HACD3: variants seen among roughly 807,000 people sequenced by gnomAD.
HACD3 encodes the protein very-long-chain (3R)-3-hydroxyacyl-CoA dehydratase 3.
In HACD3, 30 loss-of-function variants were observed where a neutral mutation model predicts 55.2. The ratio of observed to expected loss-of-function variants is 0.54; its 90% CI spans 0.41 to 0.74. The LOEUF is 0.74. Among genes scored for constraint, HACD3 ranks in the 30% least tolerant of loss-of-function variants. The pLI, the probability that HACD3 is intolerant of heterozygous loss-of-function variation, is 0.00. For missense variants in HACD3, 363 were observed against 440.1 expected (o/e 0.82, Z 1.57); for synonymous variants, 141 against 151.7 (o/e 0.93, Z 0.52).
At chr15:65,574,586 G>C (rs1190422745) in intron 10 of HACD3, 1 of 152,234 alleles carries the variant, frequency 6.6e-6, no homozygotes. Context: ...AGTGGTCTTG[G>C]TCATTTAGTG....
intron 4 of HACD3, among the ~76,000 whole-genome samples, chr15:65,557,357 C>T (rs947819279): frequency 1.3e-5 from 2 of 151,812 alleles, no homozygotes; most frequent in African/African-American, 2.4e-5. Context: ...TGCCTGTAGT[C>T]GGAGCTGCTC....
In HACD3 at chr15:65,555,031, A is replaced by G. The variant is rs1040750455; in HGVS notation, c.204+71A>G. 7.3e-6 allele frequency: 9 copies of G among 1,229,190 alleles called. No individual in the cohort carries two copies. The Admixed American group carries it at 8.7e-5, about 12-fold the overall frequency. The allele number at this position is 1,229,190 out of a possible 1,614,324, so 76.1% of individuals were successfully genotyped here. Reference sequence around the variant, plus strand: ...ATACCAGTAGTTTAGTGAAATGGGGAGCAGGGTTTGTGGAGAGAAGAAGAT... The same window carrying G: ...ATACCAGTAGTTTAGTGAAATGGGGGGCAGGGTTTGTGGAGAGAAGAAGAT... On this transcript the variant is annotated intron_variant, in intron 3 of 10. Transcript: ENST00000261875.
At chr15:65,569,630 C>T (rs561632057) in intron 7 of HACD3, among the ~76,000 whole-genome samples, 32 of 152,052 alleles carry the variant, frequency 2.1e-4, no homozygotes, top group African/African-American at 7.5e-4. Context: ...ATTGCTTGAG[C>T]CCAGAAGTTC....
At chr15:65,549,066 T>C (rs1239628424) in intron 1 of HACD3, among the ~76,000 whole-genome samples, 3 of 152,184 alleles carry the variant, frequency 2.0e-5, no homozygotes, top group African/African-American at 7.2e-5. Flanking sequence ...CAGTTTCTTT[T>C]CTTGTAAGAG....
intron 1 of HACD3, among the ~76,000 whole-genome samples, chr15:65,541,434 G>T (rs1022451450): frequency 2.0e-5 from 3 of 152,156 alleles, no homozygotes; most frequent in Non-Finnish European, 4.4e-5. Flanking sequence ...AATAAGTTGG[G>T]TTTATTGCTT....
rs569850504 is a variant in HACD3 at position 65,531,036 on chromosome 15, T to C, written c.87+318T>C. Among the ~76,000 whole-genome samples the C allele has an allele frequency of 6.7e-3, 1,023 of 152,282 alleles. 14 individuals are homozygous for C. Among genetic ancestry groups the C allele is most frequent in the African/African-American group, 0.024 (984 of 41,576 alleles). Reference sequence around the variant, plus strand: ...GAGCCCAGGCCCGGCCCTGGCTGCCTGGCCGTCGGGGTTCGAGTTGGCTGG... The same window carrying C: ...GAGCCCAGGCCCGGCCCTGGCTGCCCGGCCGTCGGGGTTCGAGTTGGCTGG... On this transcript the variant is annotated intron_variant, in intron 1 of 10. Transcript: ENST00000261875.
chr15:65,564,709 A>G, intron 7 of HACD3: 1 of 173,042 alleles, frequency 5.8e-6, no homozygotes, highest in Non-Finnish European at 1.2e-5. Flanking sequence ...AACACGTGGG[A>G]ATCCTGGGAG....
chr15:65,573,170 C>T (rs2072368214), intron 10 of HACD3, among the ~76,000 whole-genome samples: 1 of 151,918 alleles, frequency 6.6e-6, no homozygotes, highest in Admixed American at 6.6e-5. Context: ...AACCTGCTGA[C>T]CTATTAATTT....
At chr15:65,554,823 A>T (rs2072172567) in intron 2 of HACD3, 64 bp from the exon 3 acceptor site, 1 of 1,169,180 alleles carries the variant, frequency 8.6e-7, no homozygotes, top group Admixed American at 1.9e-5. Flanking sequence ...AACTGCACCA[A>T]GCTGGCTTTT....
At chr15:65,552,334 T>C (rs919063000) in intron 2 of HACD3, among the ~76,000 whole-genome samples, 2 of 151,908 alleles carry the variant, frequency 1.3e-5, no homozygotes, top group African/African-American at 4.8e-5. Flanking sequence ...AAATAGAAAA[T>C]TTATTTATTT....
intron 2 of HACD3, chr15:65,551,960 ATCCTGGGTTAG>A: frequency 4.8e-6 from 2 of 418,582 alleles, no homozygotes; most frequent in Non-Finnish European, 8.5e-6. Context: ...AAAAAAAAGA[ATCCTGGGTTAG>A]AAATCAGGAG....
intron 1 of HACD3, among the ~76,000 whole-genome samples, chr15:65,546,163 A>G (rs190453401): frequency 7.2e-5 from 11 of 152,366 alleles, no homozygotes; most frequent in Admixed American, 2.6e-4. Context: ...ATCACATGGA[A>G]TAGAACTATA....
At chr15:65,544,153 G>A (rs1049381744) in intron 1 of HACD3, among the ~76,000 whole-genome samples, 3 of 152,064 alleles carry the variant, frequency 2.0e-5, no homozygotes, top group African/African-American at 7.2e-5. Flanking sequence ...CTCCAGCCTG[G>A]GTGACAGAGC....
chr15:65,533,966 G>A (rs1440366486), intron 1 of HACD3, among the ~76,000 whole-genome samples: 2 of 151,828 alleles, frequency 1.3e-5, no homozygotes, highest in Non-Finnish European at 2.9e-5. Context: ...CAGGAGAATG[G>A]CGTGAACCCG....
Position 65,571,673 on chromosome 15 carries a change from A to C in HACD3, c.880+19A>C. The C allele has an allele frequency of 1.3e-6, 2 of 1,568,880 alleles. No homozygotes were observed. Among genetic ancestry groups the C allele is most frequent in the East Asian group, 2.2e-5 (1 of 44,646 alleles). On this transcript the variant is annotated intron_variant, in intron 9 of 10. Coordinates refer to ENST00000261875, the MANE Select transcript of HACD3 (RefSeq NM_016395.4). ...GCGGAAGGTACTCTCAGGGACTCTT[A>C]GCTTTCATAGCTTAGCTCCAGGGGG...
At chr15:65,547,261 C>T (rs542463106) in intron 1 of HACD3, among the ~76,000 whole-genome samples, 1 of 152,202 alleles carries the variant, frequency 6.6e-6, no homozygotes, top group South Asian at 2.1e-4. Context: ...GGATTACAGG[C>T]GCACGCCATC....
At chr15:65,530,827 C>A in intron 1 of HACD3, 109 bp downstream of exon 1, 3 of 1,096,514 alleles carry the variant, frequency 2.7e-6, no homozygotes, top group Non-Finnish European at 3.8e-6. Context: ...TGCAGTGCGC[C>A]AACAAGGTCG....
chr15:65,563,334 AT>A (rs1273594179), intron 6 of HACD3, among the ~76,000 whole-genome samples: 1 of 152,176 alleles, frequency 6.6e-6, no homozygotes, highest in African/African-American at 2.4e-5. Flanking sequence ...TTCTTCTTAA[AT>A]TAATTTATGT....
At position 65,571,604 on chromosome 15, in the gene HACD3, T is replaced by C; in HGVS notation, c.830T>C (p.Leu277Pro). 3.1e-6 allele frequency: 5 copies of C among 1,613,924 alleles called. No homozygotes were observed. The South Asian group carries it at 4.4e-5, about 14-fold the overall frequency. The change falls in exon 9 of 11, where the codon CTT becomes CCT. Residue 277 changes from leucine to proline, a missense_variant. By Grantham distance (98) the Leu-to-Pro change is moderately conservative (BLOSUM62 -3). Coordinates refer to ENST00000261875, the MANE Select transcript of HACD3 (RefSeq NM_016395.4). ...ATGGATTGGAAGGTGCTCACATGGCTTCGTTACACTCTGTGGATTCCCTTA... is the reference window on the plus strand; with the variant it reads ...ATGGATTGGAAGGTGCTCACATGGCCTCGTTACACTCTGTGGATTCCCTTA... Reference protein sequence around the residue: ...IDMDWKVLTWLRYTLWIPLYP... With the variant: ...IDMDWKVLTWPRYTLWIPLYP...
Sources: allele counts gnomAD v4.1 joint callset (sites outside exome capture counted in the v4.1 genomes callset), GRCh38; gene constraint gnomAD v4.1.1; transcripts MANE v1.5; gene names NCBI Gene and HGNC (gene_info 2026-07-23, HGNC 2026-07-21).